CFAP54: variants seen among roughly 807,000 people sequenced by gnomAD.
CFAP54 encodes cilia- and flagella-associated protein 54.
A neutral mutation model predicts 370.4 loss-of-function variants in CFAP54; 290 were observed. The observed-to-expected ratio is 0.78, with a 90% CI of 0.71 to 0.86. CFAP54 has a LOEUF of 0.86. Ranked by LOEUF, CFAP54 falls within the 40% of genes least tolerant of loss-of-function variation. The pLI is 0.00. For missense variants in CFAP54, 3,399 were observed against 3,528.7 expected (o/e 0.96, Z 0.93); for synonymous variants, 1,206 against 1,236.5 (o/e 0.98, Z 0.52).
chr12:96,697,930 C>T (rs1957453148), intron 45 of CFAP54, among the ~76,000 whole-genome samples: 1 of 152,182 alleles, frequency 6.6e-6, no homozygotes, highest in African/African-American at 2.4e-5. Context: ...CTGACCTCCT[C>T]CCCTTGCTCC....
At chr12:96,536,173 C>T (rs1324416164) in intron 12 of CFAP54, among the ~76,000 whole-genome samples, 4 of 152,150 alleles carry the variant, frequency 2.6e-5, no homozygotes, top group Non-Finnish European at 5.9e-5. Flanking sequence ...TGGTTTGCTG[C>T]ACCTCCTACT....
At chr12:96,600,639 T>A (rs1314412860) in intron 26 of CFAP54, among the ~76,000 whole-genome samples, 2 of 152,198 alleles carry the variant, frequency 1.3e-5, no homozygotes, top group Admixed American at 6.5e-5. Context: ...TTCTTCCATT[T>A]GTTTGTGTCC....
chr12:96,584,010 C>T (rs1247068023), intron 22 of CFAP54, among the ~76,000 whole-genome samples: 1 of 152,168 alleles, frequency 6.6e-6, no homozygotes, highest in Non-Finnish European at 1.5e-5. Context: ...GATGTTGGAA[C>T]ATGAATGCTT....
chr12:96,584,253 C>T (rs1956055981), intron 22 of CFAP54, among the ~76,000 whole-genome samples: 1 of 152,018 alleles, frequency 6.6e-6, no homozygotes. Context: ...TGCTTGAGGT[C>T]AGGAGTTCAA....
intron 9 of CFAP54, among the ~76,000 whole-genome samples, chr12:96,532,513 A>G (rs549660667): frequency 1.3e-5 from 2 of 152,310 alleles, no homozygotes; most frequent in South Asian, 4.1e-4. Context: ...ATTTACCCTC[A>G]TGCATATTGA....
chr12:96,813,307 C>T (rs1036981995), intron 64 of CFAP54, among the ~76,000 whole-genome samples: 10 of 152,150 alleles, frequency 6.6e-5, no homozygotes, highest in Non-Finnish European at 1.2e-4. Flanking sequence ...CCTTTGGTGG[C>T]ACTGTGAAAA....
In CFAP54 at chr12:96,506,764, T is replaced by A. The variant is rs1467684048; in HGVS notation, c.568-164T>A. Among the ~76,000 whole-genome samples the A allele has an allele frequency of 2.6e-5, 4 of 152,118 alleles. No homozygotes were observed. In the East Asian group the frequency reaches 7.7e-4, roughly 29 times the overall value. On this transcript the variant is annotated intron_variant, in intron 3 of 67. Coordinates refer to ENST00000524981, the MANE Select transcript of CFAP54 (RefSeq NM_001306084.2). ...ACCACGCCCAGCTAATTTTTGTATTTTTAGTAGAGACAGGATTTCATCATG... is the reference window on the plus strand; with the variant it reads ...ACCACGCCCAGCTAATTTTTGTATTATTAGTAGAGACAGGATTTCATCATG...
At chr12:96,863,112 T>C (rs952346832) in intron 67 of CFAP54, among the ~76,000 whole-genome samples, 3 of 152,124 alleles carry the variant, frequency 2.0e-5, no homozygotes, top group Non-Finnish European at 4.4e-5. Flanking sequence ...ACTATTTTTA[T>C]AGAACCCTAG....
At chr12:96,504,673 A>C (rs1254299238) in intron 3 of CFAP54, among the ~76,000 whole-genome samples, 1 of 152,212 alleles carries the variant, frequency 6.6e-6, no homozygotes, top group Non-Finnish European at 1.5e-5. Flanking sequence ...GTCTGACTCT[A>C]AATCTATGTT....
chr12:96,721,543 T>C (rs1957753617), intron 50 of CFAP54, among the ~76,000 whole-genome samples: 1 of 151,898 alleles, frequency 6.6e-6, no homozygotes. Context: ...TTTAATAATA[T>C]GGACATCCAC....
chr12:96,849,753 C>T (rs1016251014), intron 66 of CFAP54, among the ~76,000 whole-genome samples: 4 of 152,150 alleles, frequency 2.6e-5, no homozygotes, highest in African/African-American at 4.8e-5. Context: ...AGTATGCCCC[C>T]ACTTGATTAA....
intron 26 of CFAP54, among the ~76,000 whole-genome samples, chr12:96,613,850 C>T (rs1335306417): frequency 6.6e-6 from 1 of 152,128 alleles, no homozygotes; most frequent in East Asian, 1.9e-4. Context: ...AGAACAGGCT[C>T]TGAAATTGAG....
intron 45 of CFAP54, among the ~76,000 whole-genome samples, chr12:96,698,255 G>T (rs756966400): frequency 2.0e-5 from 3 of 152,104 alleles, no homozygotes; most frequent in Non-Finnish European, 4.4e-5. Flanking sequence ...ATAATTTTCT[G>T]ATTGATGATC....
chr12:96,698,991 G>A (rs897860127), intron 45 of CFAP54, among the ~76,000 whole-genome samples: 1 of 152,028 alleles, frequency 6.6e-6, no homozygotes, highest in Non-Finnish European at 1.5e-5. Flanking sequence ...TATTCCCATG[G>A]CCACTTCATG....
At chr12:96,524,692 A>G (rs911143071) in intron 8 of CFAP54, among the ~76,000 whole-genome samples, 1 of 152,202 alleles carries the variant, frequency 6.6e-6, no homozygotes, top group African/African-American at 2.4e-5. Flanking sequence ...ACAGAGCTTG[A>G]CTAGGAATAG....
Position 96,753,724 on chromosome 12 carries a change from C to A in CFAP54, c.7685-19C>A. On this transcript the variant is annotated intron_variant, in intron 55 of 67. Coordinates refer to ENST00000524981, the MANE Select transcript of CFAP54 (RefSeq NM_001306084.2). ...CGTGTATTTTTTTGTTCTTCCCCAC[C>A]GAACTGTTTTTCTTTTAGGACATAC... The A allele has an allele frequency of 2.5e-6, 4 of 1,607,676 alleles. No homozygotes were observed. The highest frequency in any genetic ancestry group is 3.4e-6 in the Non-Finnish European group (4 of 1,175,944).
At chr12:96,548,760 T>A (rs2136395184) in intron 15 of CFAP54, among the ~76,000 whole-genome samples, 1 of 152,324 alleles carries the variant, frequency 6.6e-6, no homozygotes, top group East Asian at 1.9e-4. Flanking sequence ...CAGGGATCAC[T>A]TACAGTGTCT....
At chr12:96,516,665 G>T (rs1349244506) in intron 5 of CFAP54, among the ~76,000 whole-genome samples, 1 of 152,164 alleles carries the variant, frequency 6.6e-6, no homozygotes, top group Non-Finnish European at 1.5e-5. Flanking sequence ...CTGTAGTATA[G>T]TACTCAGCAA....
chr12:96,598,807 G>T (rs1367781412), intron 26 of CFAP54, 40 bp downstream of exon 26: 1 of 466,722 alleles, frequency 2.1e-6, no homozygotes, highest in Non-Finnish European at 3.8e-6. Context: ...TAATATTTAG[G>T]AGCGATGATG....
Sources: gnomAD v4.1 joint callset for allele counts (sites outside exome capture counted in the v4.1 genomes callset) on GRCh38, gnomAD v4.1.1 for gene constraint, MANE v1.5 for transcripts, NCBI Gene and HGNC (gene_info 2026-07-23, HGNC 2026-07-21) for gene names.